The following PYGM variants were observed in gnomAD, a reference collection of about 807,000 sequenced individuals.
PYGM encodes the protein glycogen phosphorylase, muscle associated.
A neutral mutation model predicts 99.3 loss-of-function variants in PYGM; 81 were observed. That is an observed-to-expected ratio of 0.82 (90% CI 0.68 to 0.98). PYGM has a LOEUF of 0.98. Among genes scored for constraint, PYGM ranks in the 50% least tolerant of loss-of-function variants. The probability of loss-of-function intolerance (pLI) is 0.00; values close to 1 mark genes in which losing one functional copy is unlikely to be tolerated. For synonymous variants in PYGM, 436 were observed against 451.5 expected, an observed-to-expected ratio of 0.97 and a Z score of 0.44; for missense variants, 1,030 against 1,158.1, an observed-to-expected ratio of 0.89 and a Z score of 1.61.
In PYGM at chr11:64,755,449, T is replaced by G; in HGVS notation, c.770A>C (p.Asp257Ala). ...TGGCTACCAGTGGATGAACTCACAG[T>G]CCTTGAGGTTGAAGTCATTGGGAGC... ...AKAPNDFNLK[D>A]FNVGGYIQAV... The change falls in exon 6 of 20, where the codon GAC becomes GCC. Residue 257 changes from aspartate to alanine, a missense_variant and splice_region_variant. Asp to Ala is a moderately radical substitution (Grantham distance 126). Transcript: ENST00000164139. The surrounding 1 kb of genome is among the most constrained non-coding windows in gnomAD (Gnocchi z 4.1). 6.2e-7 allele frequency: 1 copy of G among 1,613,946 alleles called. No individual in the cohort carries two copies. Among genetic ancestry groups the G allele is most frequent in the Non-Finnish European group, 8.5e-7 (1 of 1,179,836 alleles).
At position 64,753,904 on chromosome 11, in the gene PYGM, T is replaced by C. The variant is rs1425476155; in HGVS notation, c.1214A>G (p.Tyr405Cys). Reference sequence around the variant, plus strand: ...GTTGAGGAAGCGCTGGTTGATCTCGTAGATGATCTGGAGGTGCCGCGGCAG... The same window carrying C: ...GTTGAGGAAGCGCTGGTTGATCTCGCAGATGATCTGGAGGTGCCGCGGCAG... The part of the protein sequence containing the change: ...TLLPRHLQII[Y>C]EINQRFLNRV... The change falls in exon 10 of 20, where the codon TAC becomes TGC. Residue 405 changes from tyrosine (Y) to cysteine (C), a missense_variant. By Grantham distance (194) the Tyr-to-Cys change is radical (BLOSUM62 -2). Transcript: ENST00000164139. 6.3e-7 allele frequency: 1 copy of C among 1,586,010 alleles called. No homozygotes were observed. The highest frequency in any genetic ancestry group is 8.6e-7 in the Non-Finnish European group (1 of 1,165,760).
At chr11:64,751,891 A>T in intron 14 of PYGM, 33 bp downstream of exon 14, 1 of 1,613,672 alleles carries the variant, frequency 6.2e-7, no homozygotes, top group Non-Finnish European at 8.5e-7. Context: ...ACGGGGGAGC[A>T]CTGAGAGACA....
At position 64,755,220 on chromosome 11, in the gene PYGM, C is replaced by A; in HGVS notation, c.855+53G>T. The A allele has an allele frequency of 1.3e-6, 2 of 1,567,642 alleles. No homozygotes were observed. The highest frequency in any genetic ancestry group is 1.8e-6 in the Non-Finnish European group (2 of 1,138,594). On this transcript the variant is annotated intron_variant, in intron 7 of 19. Transcript: ENST00000164139. The surrounding 1 kb of genome is among the most constrained non-coding windows in gnomAD (Gnocchi z 4.1). Reference sequence around the variant, plus strand: ...AGTGTCCTTCCCCAGCTCTCCCTGACCCCTGCTGCCAAGGACTCAGGCTTC... The same window carrying A: ...AGTGTCCTTCCCCAGCTCTCCCTGAACCCTGCTGCCAAGGACTCAGGCTTC...
intron 13 of PYGM, 24 bp from the exon 14 acceptor site, chr11:64,752,095 C>G: frequency 3.1e-6 from 5 of 1,613,986 alleles, no homozygotes; most frequent in Non-Finnish European, 4.2e-6. Context: ...CGGGGAAGGG[C>G]TCACCAACAG....
In PYGM at chr11:64,749,677, A is replaced by T. The variant is rs569698126; in HGVS notation, c.2177+699T>A. ...ATACATTAAAATAAAATAAAATAAA[A>T]TTTTTTAATGTAATGCCAGGATAAT... is the stretch of plus-strand genomic sequence containing the variant. On this transcript the variant is annotated intron_variant, in intron 17 of 19. Coordinates refer to ENST00000164139, the MANE Select transcript of PYGM (RefSeq NM_005609.4). Among the ~76,000 whole-genome samples, 5 of 151,990 alleles carry T rather than the reference A, an allele frequency of 3.3e-5. No individual in the cohort carries two copies. The South Asian group carries it at 6.2e-4, about 19-fold the overall frequency.
At chr11:64,753,848 C>T (rs1192666104) in intron 10 of PYGM, 31 bp downstream of exon 10, 1 of 1,553,944 alleles carries the variant, frequency 6.4e-7, no homozygotes, top group Non-Finnish European at 8.7e-7. Context: ...CCCCCTCACC[C>T]CCACACCATC....
At chr11:64,759,293 G>A (rs1397567700) in intron 1 of PYGM, among the ~76,000 whole-genome samples, 3 of 150,460 alleles carry the variant, frequency 2.0e-5, no homozygotes, top group Admixed American at 6.6e-5. Context: ...GATCTCTGCC[G>A]CCCCAGCTGC....
Position 64,754,904 on chromosome 11 carries a change from G to A in PYGM, c.856-68C>T. 6.3e-7 allele frequency: 1 copy of A among 1,590,746 alleles called. No homozygotes were observed. The highest frequency in any genetic ancestry group is 8.6e-7 in the Non-Finnish European group (1 of 1,169,454). On this transcript the variant is annotated intron_variant, in intron 7 of 19. Transcript: ENST00000164139. This position sits in a 1 kb window ranked among gnomAD's most constrained non-coding sequence, Gnocchi z 5.5. ...ATGGCCTAAAGCTGCGGTGGGTGTG[G>A]CCAGGAGGGACTCCCACCCATACCG... is the stretch of plus-strand genomic sequence containing the variant.
rs2058403588 is a variant in PYGM at position 64,757,853 on chromosome 11, C to T, written c.586G>A (p.Glu196Lys). The part of the protein sequence containing the change: ...YGNPWEKARP[E>K]FTLPVHFYGH... ...TAGAAGTGCACAGGTAGCGTGAACT[C>T]GGGCCGGGCCTTCTCCCAGGGGTTG... is the stretch of plus-strand genomic sequence containing the variant. Residue 196 changes from glutamate (E) to lysine (K), a missense_variant, in exon 5 of 20, where the codon GAG becomes AAG. Glu to Lys is a moderately conservative substitution (Grantham distance 56, BLOSUM62 1). Transcript: ENST00000164139. 9 of 1,614,138 alleles carry T rather than the reference C, an allele frequency of 5.6e-6. No homozygotes were observed. The highest frequency in any genetic ancestry group is 3.3e-5 in the South Asian group (3 of 91,088).
Position 64,754,085 on chromosome 11 carries a change from C to G in PYGM, c.1093-60G>C, listed in dbSNP as rs906226135. ...TCAGCCCAGTGGGTCTCCTCACACA[C>G]TACGCATCCCAGTGGGCCCCCCCAC... On this transcript the variant is annotated intron_variant, in intron 9 of 19. Coordinates refer to ENST00000164139, the MANE Select transcript of PYGM (RefSeq NM_005609.4). The surrounding 1 kb of genome is among the most constrained non-coding windows in gnomAD (Gnocchi z 5.5). 1.2e-6 allele frequency: 2 copies of G among 1,601,516 alleles called. No homozygotes were observed.
In PYGM at chr11:64,755,605, CT is replaced by C; in HGVS notation, c.661-48del. On this transcript the variant is annotated intron_variant, in intron 5 of 19. Coordinates refer to ENST00000164139, the MANE Select transcript of PYGM (RefSeq NM_005609.4). This position sits in a 1 kb window ranked among gnomAD's most constrained non-coding sequence, Gnocchi z 4.1. ...GGAGCTGGCCAGCCCTGGCAATTGC[CT>C]CCCTCCCCTCAGGGCTGGGACTCAA... 2 of 1,460,294 alleles carry C rather than the reference CT, an allele frequency of 1.4e-6. No individual in the cohort carries two copies. Among genetic ancestry groups the C allele is most frequent in the South Asian group, 2.3e-5 (2 of 86,972 alleles). 90.5% of individuals were successfully genotyped at this position (1,460,294 alleles called of 1,614,324 possible). A position where few individuals can be genotyped will look rare whatever the true frequency, so the allele number is the denominator to read the frequency against.
chr11:64,749,657 T>TTAAAA (rs965926219), intron 17 of PYGM, among the ~76,000 whole-genome samples: 13 of 151,788 alleles, frequency 8.6e-5, no homozygotes, highest in Admixed American at 5.2e-4. Context: ...AAAAAATACA[T>TTAAAA]TAAAATAAAA....
intron 5 of PYGM, among the ~76,000 whole-genome samples, chr11:64,756,749 G>A (rs368381557): frequency 3.0e-4 from 45 of 152,156 alleles, no homozygotes; most frequent in African/African-American, 6.5e-4. Context: ...CACCACGCCC[G>A]GCCTAAACTG....
chr11:64,752,689 C>G (rs1003963420), intron 12 of PYGM, among the ~76,000 whole-genome samples, 185 bp from the exon 13 acceptor site: 4 of 152,212 alleles, frequency 2.6e-5, no homozygotes, highest in Non-Finnish European at 4.4e-5. Context: ...CCTCCCCTCC[C>G]GTCCTTGAGC....
In PYGM at chr11:64,758,253, C is replaced by G; in HGVS notation, c.521G>C (p.Gly174Ala). The G allele has an allele frequency of 6.2e-7, 1 of 1,612,490 alleles. No individual in the cohort carries two copies. The highest frequency in any genetic ancestry group is 8.5e-7 in the Non-Finnish European group (1 of 1,178,470). The stretch of plus-strand genomic sequence containing the variant: ...AGAGCCAAGGCTGCTCACCTGCCAG[C>G]CCCCGGAGATCTTCTGGTTAAAAAT... Reference protein sequence around the residue: ...FGIFNQKISGGWQMEEADDWL... With the variant: ...FGIFNQKISGAWQMEEADDWL... Residue 174 changes from glycine to alanine, a missense_variant, in exon 4 of 20, where the codon GGC becomes GCC. Coordinates refer to ENST00000164139, the MANE Select transcript of PYGM (RefSeq NM_005609.4).
rs1169114983 is a variant in PYGM at position 64,753,968 on chromosome 11, C to A, written c.1150G>T (p.Ala384Ser). Residue 384 changes from alanine to serine, a missense_variant, in exon 10 of 20, where the codon GCC (alanine) becomes TCC (serine). By Grantham distance (99) the Ala-to-Ser change is moderately conservative. Coordinates refer to ENST00000164139, the MANE Select transcript of PYGM (RefSeq NM_005609.4). ...AYTNHTVLPE[A>S]LERWPVHLLE... Reference sequence around the variant, plus strand: ...AGGTGCACCGGCCAGCGCTCCAGGGCCTCGGGCAGCACCGTGTGGTTGGTG... The same window carrying A: ...AGGTGCACCGGCCAGCGCTCCAGGGACTCGGGCAGCACCGTGTGGTTGGTG... 1 of 1,605,814 alleles carries A rather than the reference C, an allele frequency of 6.2e-7. No homozygotes were observed. Among genetic ancestry groups the A allele is most frequent in the Non-Finnish European group, 8.5e-7 (1 of 1,176,174 alleles).
chr11:64,751,931 C>T lies in PYGM; in HGVS notation c.1761G>A (p.Leu587=), dbSNP rs1395637502. Residue 587 remains leucine (L), a synonymous_variant, in exon 14 of 20, where the codon CTG becomes CTA. Coordinates refer to ENST00000164139, the MANE Select transcript of PYGM (RefSeq NM_005609.4). ...AGAGTGGCTGCCACTCACGGTTGTACAGGGTGATGACATGGAGGCAGTTGA... is the reference window on the plus strand; with the variant it reads ...AGAGTGGCTGCCACTCACGGTTGTATAGGGTGATGACATGGAGGCAGTTGA... ...QLLNCLHVIT[L]YNRIKREPNK... is the part of the protein sequence containing the mutation. 15 of 1,614,020 alleles carry T rather than the reference C, an allele frequency of 9.3e-6. No individual in the cohort carries two copies. Among genetic ancestry groups the T allele is most frequent in the Non-Finnish European group, 1.2e-5 (14 of 1,180,022 alleles).
At chr11:64,747,106 G>A in intron 18 of PYGM, 118 bp downstream of exon 18, 1 of 1,568,448 alleles carries the variant, frequency 6.4e-7, no homozygotes, top group Non-Finnish European at 8.8e-7. Flanking sequence ...GGGTCATGCT[G>A]CTTCCAAAGG....
chr11:64,750,436 T>A lies in PYGM; in HGVS notation c.2117A>T (p.Glu706Val), dbSNP rs770519283. ...CATGCCAAAGATGAAGAAGTTTTCC[T>A]CTCCCGCCTCTTCTGCCATCTCCAC... The part of the protein sequence containing the change: ...ANVEMAEEAG[E>V]ENFFIFGMRV... The change falls in exon 17 of 20, where the codon GAG becomes GTG. Residue 706 changes from glutamate (E) to valine (V), a missense_variant. Physicochemically the swap from Glu to Val is moderately radical, Grantham distance 121. Coordinates refer to ENST00000164139, the MANE Select transcript of PYGM (RefSeq NM_005609.4). The A allele has an allele frequency of 3.1e-6, 5 of 1,614,152 alleles. No individual in the cohort carries two copies. The East Asian group carries it at 1.1e-4, about 36-fold the overall frequency.
Sources: allele counts gnomAD v4.1 joint callset (sites outside exome capture counted in the v4.1 genomes callset), GRCh38; gene constraint gnomAD v4.1.1; non-coding constraint Gnocchi (gnomAD v3.1); transcripts MANE v1.5; gene names NCBI Gene and HGNC (gene_info 2026-07-23, HGNC 2026-07-21).